The following CSMD1 variants were observed in gnomAD, a reference collection of about 807,000 sequenced individuals.
CSMD1 encodes CUB and sushi domain-containing protein 1.
In CSMD1, 213 loss-of-function variants were observed where a neutral mutation model predicts 417.5. The observed-to-expected ratio is 0.51, with a 90% CI of 0.46 to 0.57. The LOEUF (loss-of-function observed/expected upper bound fraction) is 0.57, where lower values mean the gene tolerates loss of function less well. CSMD1 is among the 20% of genes least tolerant of loss of function. The probability of loss-of-function intolerance (pLI) is 0.00; values close to 1 mark genes in which losing one functional copy is unlikely to be tolerated. For synonymous variants in CSMD1, 2,862 were observed against 1,736.8 expected (o/e 1.65, Z -16.11); for missense variants, 6,923 against 4,529.7 (o/e 1.53, Z -15.17).
chr8:4,303,174 G>A (rs13266475), intron 3 of CSMD1, among the ~76,000 whole-genome samples: 111,956 of 151,876 alleles, frequency 0.74, 41,445 homozygotes, highest in East Asian at 0.85. Context: ...AATAGGGCAT[G>A]AATATTGTGG....
chr8:3,332,551 C>T (rs1563281226), intron 23 of CSMD1, among the ~76,000 whole-genome samples: 1 of 152,318 alleles, frequency 6.6e-6, no homozygotes, highest in Middle Eastern at 3.4e-3. Flanking sequence ...TATTTGCAGA[C>T]AACAGATTAA....
At chr8:4,758,008 C>A (rs1272716389) in intron 1 of CSMD1, among the ~76,000 whole-genome samples, 1 of 150,796 alleles carries the variant, frequency 6.6e-6, no homozygotes, top group East Asian at 1.9e-4. Flanking sequence ...ACCACATTAT[C>A]CTTGAGACAG....
intron 1 of CSMD1, among the ~76,000 whole-genome samples, chr8:4,693,414 G>C (rs982327269): frequency 3.3e-5 from 5 of 152,198 alleles, no homozygotes; most frequent in African/African-American, 4.8e-5. Context: ...GTGTGTTCTG[G>C]CTGTGTCAGC....
At chr8:4,709,586 T>A (rs2725077) in intron 1 of CSMD1, among the ~76,000 whole-genome samples, 1 of 152,008 alleles carries the variant, frequency 6.6e-6, no homozygotes, top group Non-Finnish European at 1.5e-5. Flanking sequence ...AAATTCAATT[T>A]GCAGAAGCTG....
chr8:3,572,114 G>A (rs1022707354), intron 10 of CSMD1, among the ~76,000 whole-genome samples: 1 of 152,190 alleles, frequency 6.6e-6, no homozygotes, highest in African/African-American at 2.4e-5. Context: ...AGGGATGGCT[G>A]CAGAGCTGTG....
intron 25 of CSMD1, among the ~76,000 whole-genome samples, chr8:3,296,576 G>A (rs1028152803): frequency 1.3e-5 from 2 of 152,122 alleles, no homozygotes; most frequent in Non-Finnish European, 2.9e-5. Context: ...TGCCATGGAG[G>A]GAAAATGACA....
chr8:4,699,938 A>T (rs891215725), intron 1 of CSMD1, among the ~76,000 whole-genome samples: 1 of 152,228 alleles, frequency 6.6e-6, no homozygotes, highest in African/African-American at 2.4e-5. Flanking sequence ...TACACAAGCT[A>T]GGATTAGAAT....
chr8:4,623,933 T>A (rs1801936001), intron 2 of CSMD1, among the ~76,000 whole-genome samples: 1 of 152,126 alleles, frequency 6.6e-6, no homozygotes, highest in Admixed American at 6.6e-5. Context: ...GTTCCACGGT[T>A]GTATATAAAT....
chr8:4,375,650 G>A (rs767447549), intron 3 of CSMD1, among the ~76,000 whole-genome samples: 1 of 152,080 alleles, frequency 6.6e-6, no homozygotes, highest in Admixed American at 6.6e-5. Flanking sequence ...GGTCGCGGCT[G>A]GTGGAAGGAT....
intron 1 of CSMD1, chr8:4,788,317 G>C (rs376826182): frequency 6.4e-7 from 1 of 1,572,224 alleles, no homozygotes; most frequent in East Asian, 2.3e-5. Context: ...AATGGTTTGG[G>C]ACCAGTGATG....
At chr8:4,128,522 A>C (rs1370995601) in intron 3 of CSMD1, among the ~76,000 whole-genome samples, 1 of 152,130 alleles carries the variant, frequency 6.6e-6, no homozygotes, top group Non-Finnish European at 1.5e-5. Context: ...TGCTTACTCA[A>C]ACCCCCTCCT....
chr8:3,218,805 G>C (rs986564572), intron 29 of CSMD1, among the ~76,000 whole-genome samples: 1 of 152,002 alleles, frequency 6.6e-6, no homozygotes, highest in Non-Finnish European at 1.5e-5. Context: ...CCGGGAGGCG[G>C]AGGTTGCAGC....
At chr8:4,699,831 G>C (rs1038913685) in intron 1 of CSMD1, among the ~76,000 whole-genome samples, 2 of 152,196 alleles carry the variant, frequency 1.3e-5, no homozygotes, top group South Asian at 4.1e-4. Context: ...CCGATGCAGA[G>C]AGTACAAGTG....
intron 5 of CSMD1, among the ~76,000 whole-genome samples, chr8:3,840,743 T>TGGAGTTCAGTGGCA (rs1259040983): frequency 6.7e-6 from 1 of 149,694 alleles, no homozygotes; most frequent in African/African-American, 2.5e-5. Flanking sequence ...TCGTGTAGGC[T>TGGAGTTCAGTGGCA]GGAGTTCAGT....
intron 3 of CSMD1, among the ~76,000 whole-genome samples, chr8:4,123,246 G>A (rs190867517): frequency 3.3e-5 from 5 of 152,326 alleles, no homozygotes; most frequent in East Asian, 1.9e-4. Flanking sequence ...GAAACATGTA[G>A]TAAATGATAC....
At chr8:4,112,236 C>A (rs1483871835) in intron 3 of CSMD1, among the ~76,000 whole-genome samples, 3 of 152,068 alleles carry the variant, frequency 2.0e-5, no homozygotes, top group African/African-American at 7.2e-5. Context: ...TGAAGCTCAC[C>A]TCCTGAGGTT....
chr8:3,380,739 C>T (rs55906205), intron 18 of CSMD1, among the ~76,000 whole-genome samples: 7 of 151,922 alleles, frequency 4.6e-5, no homozygotes, highest in African/African-American at 9.7e-5. Context: ...GGGTCCTGTT[C>T]GGAGAATGCA....
At chr8:4,408,008 C>T (rs1796422719) in intron 3 of CSMD1, among the ~76,000 whole-genome samples, 1 of 152,196 alleles carries the variant, frequency 6.6e-6, no homozygotes, top group African/African-American at 2.4e-5. Flanking sequence ...AGTCCCCACA[C>T]ACCAGCTGTC....
At chr8:3,374,345 G>A (rs1218517457) in intron 18 of CSMD1, among the ~76,000 whole-genome samples, 1 of 152,024 alleles carries the variant, frequency 6.6e-6, no homozygotes, top group Admixed American at 6.6e-5. Context: ...TACTTATTAA[G>A]AAACATACTA....
Sources: allele counts gnomAD v4.1 joint callset (sites outside exome capture counted in the v4.1 genomes callset), GRCh38; gene constraint gnomAD v4.1.1; transcripts MANE v1.5; gene names NCBI Gene and HGNC (gene_info 2026-07-23, HGNC 2026-07-21).